Variants in GBE1 observed in about 807,000 individuals in gnomAD.
The protein encoded by GBE1 is 1,4-alpha-glucan branching enzyme 1, also known as 1,4-alpha-glucan-branching enzyme.
GBE1 carries 70 observed loss-of-function variants against 88.8 expected under a neutral mutation model. The observed-to-expected ratio is 0.79, with a 90% CI of 0.65 to 0.96. The LOEUF is 0.96. GBE1 is among the 40% of genes least tolerant of loss of function. GBE1 has a pLI of 0.00. For missense variants in GBE1, 872 were observed against 871.0 expected, an observed-to-expected ratio of 1.00 and a Z score of -0.01; for synonymous variants, 284 against 300.1, an observed-to-expected ratio of 0.95 and a Z score of 0.56.
chr3:81,682,313 T>C (rs2107132035), intron 2 of GBE1, among the ~76,000 whole-genome samples: 1 of 151,896 alleles, frequency 6.6e-6, no homozygotes, highest in Admixed American at 6.6e-5. Flanking sequence ...AAATAACAAA[T>C]TAGCTGGGCA....
chr3:81,720,302 T>C (rs1214792124), intron 1 of GBE1, among the ~76,000 whole-genome samples: 2 of 151,238 alleles, frequency 1.3e-5, no homozygotes, highest in Non-Finnish European at 1.5e-5. Flanking sequence ...GTATAACATA[T>C]GCATATACAC....
chr3:81,490,698 G>A (rs556282137), intron 15 of GBE1, among the ~76,000 whole-genome samples: 28 of 151,992 alleles, frequency 1.8e-4, no homozygotes, highest in Middle Eastern at 3.4e-3. Flanking sequence ...GAAAACCAAT[G>A]CTCCTTACAC....
intron 15 of GBE1, among the ~76,000 whole-genome samples, chr3:81,494,692 T>G (rs1424670147): frequency 1.3e-5 from 2 of 152,188 alleles, no homozygotes; most frequent in African/African-American, 4.8e-5. Flanking sequence ...ATATTAATAG[T>G]CTGCTCTTCA....
intron 3 of GBE1, among the ~76,000 whole-genome samples, chr3:81,662,381 A>G (rs148161662): frequency 0.026 from 3,942 of 152,248 alleles, 69 homozygotes; most frequent in Middle Eastern, 0.051. Context: ...ATATCTTTAT[A>G]AACTTAAGTT....
chr3:81,689,002 C>T (rs906794911), intron 2 of GBE1, among the ~76,000 whole-genome samples: 13 of 152,124 alleles, frequency 8.5e-5, no homozygotes, highest in African/African-American at 3.1e-4. Context: ...GCCAAATTAT[C>T]TATGCCCAAA....
chr3:81,519,204 A>T (rs1702839624), intron 14 of GBE1, among the ~76,000 whole-genome samples: 1 of 151,630 alleles, frequency 6.6e-6, no homozygotes, highest in Non-Finnish European at 1.5e-5. Context: ...TGCTTATTAG[A>T]AACTCTGTGT....
chr3:81,508,317 G>T lies in GBE1; in HGVS notation c.1935-9090C>A, dbSNP rs1702681637. 5.9e-5 allele frequency among the ~76,000 whole-genome samples: 9 copies of T among 152,058 alleles called. No homozygotes were observed. The South Asian group carries it at 1.9e-3, about 32-fold the overall frequency. ...TGTTTCTCAATAATTTGAGAAGGAA[G>T]AAAAATAGAAAAATGTGCTCACACT... is the stretch of plus-strand genomic sequence containing the variant. On this transcript the variant is annotated intron_variant, in intron 14 of 15. Transcript: ENST00000429644.
At chr3:81,531,108 C>A (rs1190673937) in intron 14 of GBE1, among the ~76,000 whole-genome samples, 1 of 151,414 alleles carries the variant, frequency 6.6e-6, no homozygotes, top group East Asian at 2.0e-4. Flanking sequence ...GCCACCACCA[C>A]CCCAAGGCCA....
chr3:81,726,352 A>C (rs569634609), intron 1 of GBE1, among the ~76,000 whole-genome samples: 3 of 152,132 alleles, frequency 2.0e-5, no homozygotes, highest in East Asian at 3.9e-4. Flanking sequence ...CGTGGTTTTG[A>C]GAATGTTGCT....
intron 3 of GBE1, among the ~76,000 whole-genome samples, chr3:81,662,739 T>C (rs1363531399): frequency 1.3e-5 from 2 of 152,188 alleles, no homozygotes; most frequent in Admixed American, 1.3e-4. Context: ...CTTGATACTT[T>C]TCTTCTCAAT....
At chr3:81,605,892 G>GC (rs1704095832) in intron 7 of GBE1, among the ~76,000 whole-genome samples, 1 of 152,074 alleles carries the variant, frequency 6.6e-6, no homozygotes, top group African/African-American at 2.4e-5. Context: ...AATATCCTTT[G>GC]CAGACCCCTG....
At chr3:81,636,556 A>T (rs1704594226) in intron 7 of GBE1, among the ~76,000 whole-genome samples, 1 of 150,352 alleles carries the variant, frequency 6.7e-6, no homozygotes, top group Admixed American at 6.6e-5. Context: ...TTGAAATGGA[A>T]TTTTGCTCTT....
chr3:81,570,172 T>C (rs778834457), intron 12 of GBE1, among the ~76,000 whole-genome samples: 6 of 152,262 alleles, frequency 3.9e-5, no homozygotes, highest in Non-Finnish European at 7.4e-5. Context: ...ATACGGTCAC[T>C]AGGTGTTTCT....
intron 12 of GBE1, among the ~76,000 whole-genome samples, chr3:81,537,657 A>G (rs903647528): frequency 6.6e-6 from 1 of 152,002 alleles, no homozygotes; most frequent in African/African-American, 2.4e-5. Flanking sequence ...AGTTTTTCCT[A>G]CCACATCACA....
chr3:81,664,382 T>C (rs1392470871), intron 3 of GBE1, among the ~76,000 whole-genome samples: 1 of 136,078 alleles, frequency 7.3e-6, no homozygotes, highest in Non-Finnish European at 1.6e-5. Context: ...TAAAGAATGG[T>C]AAGGAAATGA....
At chr3:81,677,680 G>C (rs1277213906) in intron 2 of GBE1, among the ~76,000 whole-genome samples, 10 of 152,058 alleles carry the variant, frequency 6.6e-5, no homozygotes, top group Admixed American at 6.6e-4. Context: ...ATATTGCCCT[G>C]TGCTGTTTGA....
chr3:81,720,267 T>C (rs773341093), intron 1 of GBE1, among the ~76,000 whole-genome samples: 1 of 151,798 alleles, frequency 6.6e-6, no homozygotes, highest in Non-Finnish European at 1.5e-5. Flanking sequence ...TATCTATATC[T>C]ATCTATCTAC....
intron 12 of GBE1, among the ~76,000 whole-genome samples, chr3:81,558,170 ATG>A (rs753208242): frequency 3.3e-5 from 5 of 151,752 alleles, no homozygotes; most frequent in East Asian, 1.9e-4. Flanking sequence ...TTTTAAGTCA[ATG>A]TGTGTGTGTG....
chr3:81,709,826 G>A (rs1403965032), intron 1 of GBE1, among the ~76,000 whole-genome samples: 1 of 152,064 alleles, frequency 6.6e-6, no homozygotes, highest in Admixed American at 6.5e-5. Flanking sequence ...AAATGCCTGA[G>A]GATACAGCAA....
Sources: gnomAD v4.1 joint callset for allele counts (sites outside exome capture counted in the v4.1 genomes callset) on GRCh38, gnomAD v4.1.1 for gene constraint, MANE v1.5 for transcripts, NCBI Gene and HGNC (gene_info 2026-07-23, HGNC 2026-07-21) for gene names.